KIAA1217: variants seen among roughly 807,000 people sequenced by gnomAD.
KIAA1217 encodes the protein sickle tail protein homolog.
In KIAA1217, 88 loss-of-function variants were observed where a neutral mutation model predicts 163.9. That is an observed-to-expected ratio of 0.54 (90% CI 0.45 to 0.64). KIAA1217 has a LOEUF of 0.64. Ranked by LOEUF, KIAA1217 falls within the 30% of genes least tolerant of loss-of-function variation. The pLI is 0.00. For missense variants in KIAA1217, 2,372 were observed against 2,475.0 expected (o/e 0.96, Z 0.88); for synonymous variants, 903 against 923.1 (o/e 0.98, Z 0.39).
intron 2 of KIAA1217, among the ~76,000 whole-genome samples, chr10:24,252,341 G>T (rs2074648304): frequency 6.6e-6 from 1 of 152,140 alleles, no homozygotes; most frequent in Non-Finnish European, 1.5e-5. Context: ...ACTTTGGGAG[G>T]CCCAAGAGGG....
At chr10:23,858,609 A>T (rs959950147) in intron 1 of KIAA1217, among the ~76,000 whole-genome samples, 1 of 152,154 alleles carries the variant, frequency 6.6e-6, no homozygotes, top group Non-Finnish European at 1.5e-5. Context: ...TATCATAAAA[A>T]TGATTCTGTT....
chr10:23,777,807 C>A (rs1398089096), intron 1 of KIAA1217, among the ~76,000 whole-genome samples: 1 of 152,064 alleles, frequency 6.6e-6, no homozygotes, highest in African/African-American at 2.4e-5. Flanking sequence ...AGAATAAAGC[C>A]AAGAAAGAAA....
intron 2 of KIAA1217, among the ~76,000 whole-genome samples, chr10:24,194,897 A>G (rs2130489453): frequency 6.6e-6 from 1 of 151,292 alleles, no homozygotes; most frequent in East Asian, 2.0e-4. Context: ...CATGAGCCAC[A>G]GTGTCCAGCC....
intron 2 of KIAA1217, among the ~76,000 whole-genome samples, chr10:24,265,877 G>A (rs991756330): frequency 6.6e-6 from 1 of 152,122 alleles, no homozygotes; most frequent in African/African-American, 2.4e-5. Context: ...TAGTGTAGAG[G>A]TGGGATGAGG....
intron 2 of KIAA1217, among the ~76,000 whole-genome samples, chr10:24,027,866 G>A (rs553062182): frequency 2.0e-5 from 3 of 152,062 alleles, no homozygotes; most frequent in African/African-American, 7.2e-5. Flanking sequence ...AGTCAGATTT[G>A]CACAGTGTCT....
chr10:23,798,938 T>C (rs1836340028), intron 1 of KIAA1217, among the ~76,000 whole-genome samples: 1 of 152,168 alleles, frequency 6.6e-6, no homozygotes, highest in African/African-American at 2.4e-5. Context: ...AAAAAATATA[T>C]TGTCTCACAT....
intron 1 of KIAA1217, among the ~76,000 whole-genome samples, chr10:23,867,034 G>A (rs1840223712): frequency 1.5e-5 from 2 of 130,736 alleles, no homozygotes; most frequent in South Asian, 2.4e-4. Flanking sequence ...AGAGTGTGAT[G>A]TTCCCCTTCC....
chr10:23,746,011 C>G (rs1252132514), intron 1 of KIAA1217, among the ~76,000 whole-genome samples: 1 of 152,164 alleles, frequency 6.6e-6, no homozygotes, highest in East Asian at 1.9e-4. Context: ...GTTCCCTGCC[C>G]TCCAGTAACT....
At chr10:24,059,426 T>G (rs1343636706) in intron 2 of KIAA1217, among the ~76,000 whole-genome samples, 1 of 152,164 alleles carries the variant, frequency 6.6e-6, no homozygotes, top group Non-Finnish European at 1.5e-5. Context: ...CTTCCTCAGT[T>G]TTTTGGAAGT....
intron 10 of KIAA1217, 123 bp from the exon 11 acceptor site, chr10:24,520,000 A>G (rs2070835557): frequency 8.9e-7 from 1 of 1,125,040 alleles, no homozygotes; most frequent in Non-Finnish European, 1.3e-6. Flanking sequence ...CACCACACGA[A>G]AGGCAGGGGG....
intron 1 of KIAA1217, among the ~76,000 whole-genome samples, chr10:23,989,995 G>A (rs943988377): frequency 4.6e-5 from 7 of 152,188 alleles, no homozygotes; most frequent in African/African-American, 1.4e-4. Context: ...CTAGCACAAA[G>A]TACACACCAA....
At chr10:24,173,913 T>C (rs12768615) in intron 2 of KIAA1217, among the ~76,000 whole-genome samples, 52,549 of 152,130 alleles carry the variant, frequency 0.35, 9,557 homozygotes, top group South Asian at 0.42. Flanking sequence ...GCCATAAGTT[T>C]ATCAATTTCC....
intron 5 of KIAA1217, among the ~76,000 whole-genome samples, chr10:24,450,488 C>A (rs2061304517): frequency 6.6e-6 from 1 of 152,180 alleles, no homozygotes; most frequent in African/African-American, 2.4e-5. Context: ...GTAATTCACT[C>A]ACAATATTTT....
intron 2 of KIAA1217, among the ~76,000 whole-genome samples, chr10:24,082,227 A>T (rs2061560360): frequency 6.6e-6 from 1 of 151,708 alleles, no homozygotes; most frequent in Admixed American, 6.6e-5. Context: ...GTTTTTGGAC[A>T]TCATTTTTTT....
intron 4 of KIAA1217, among the ~76,000 whole-genome samples, chr10:24,433,544 G>A (rs1321442357): frequency 2.3e-5 from 3 of 130,572 alleles, no homozygotes; most frequent in Non-Finnish European, 5.4e-5. Flanking sequence ...ATTTTTGAAT[G>A]CTACATCTGA....
At chr10:24,421,415 A>G (rs998541830) in intron 3 of KIAA1217, among the ~76,000 whole-genome samples, 2 of 152,230 alleles carry the variant, frequency 1.3e-5, no homozygotes, top group African/African-American at 4.8e-5. Flanking sequence ...GAATAGTTAT[A>G]ATAGTGTATC....
In KIAA1217 at chr10:23,720,275, G is replaced by C. The variant is rs140235457; in HGVS notation, c.-321+25041G>C. 1.4e-3 allele frequency among the ~76,000 whole-genome samples: 219 copies of C among 152,234 alleles called. 1 individual carries two copies. Among genetic ancestry groups the C allele is most frequent in the African/African-American group, 4.8e-3 (201 of 41,536 alleles). On this transcript the variant is annotated intron_variant, in intron 1 of 18. Transcript: ENST00000376462. Reference sequence around the variant, plus strand: ...GAGAGAGGGGTGGGGCATTGTCATAGTATTTTGGTTTTAAACTTTACAATA... The same window carrying C: ...GAGAGAGGGGTGGGGCATTGTCATACTATTTTGGTTTTAAACTTTACAATA...
At position 24,542,780 on chromosome 10, in the gene KIAA1217, C is replaced by A; in HGVS notation, c.3612+10C>A. On this transcript the variant is annotated intron_variant, in intron 18 of 20. Coordinates refer to ENST00000376454, the MANE Select transcript of KIAA1217 (RefSeq NM_019590.5). ...AATGGAATTCCAAAAGGTGAGTTCA[C>A]CAGATCTGGGTTCCGACCAATACCA... 2.5e-6 allele frequency: 4 copies of A among 1,613,376 alleles called. No individual in the cohort carries two copies. The highest frequency in any genetic ancestry group is 2.5e-6 in the Non-Finnish European group (3 of 1,179,356).
intron 1 of KIAA1217, among the ~76,000 whole-genome samples, chr10:23,923,109 C>G (rs1842907509): frequency 6.6e-6 from 1 of 152,082 alleles, no homozygotes; most frequent in Non-Finnish European, 1.5e-5. Context: ...AGCCTTCCCC[C>G]CGAGTCCCCA....
Sources: gnomAD v4.1 joint callset for allele counts (sites outside exome capture counted in the v4.1 genomes callset) on GRCh38, gnomAD v4.1.1 for gene constraint, MANE v1.5 for transcripts, NCBI Gene and HGNC (gene_info 2026-07-23, HGNC 2026-07-21) for gene names.